Variants in HHAT observed in about 807,000 individuals in gnomAD.
HHAT encodes protein-cysteine N-palmitoyltransferase HHAT.
Under a neutral mutation model 70.8 loss-of-function variants are expected in HHAT, and 47 were observed. The observed-to-expected ratio is 0.66, with a 90% confidence interval of 0.53 to 0.85. The LOEUF is 0.85. HHAT is among the 40% of genes least tolerant of loss of function. HHAT has a pLI of 0.00. For synonymous variants in HHAT, 228 were observed against 247.6 expected (o/e 0.92, Z 0.74); for missense variants, 609 against 604.8 (o/e 1.01, Z -0.07).
At chr1:210,421,327 C>T (rs375433182) in intron 7 of HHAT, among the ~76,000 whole-genome samples, 28 of 152,096 alleles carry the variant, frequency 1.8e-4, no homozygotes, top group African/African-American at 5.6e-4. Flanking sequence ...CAGAAATTCA[C>T]GTATCTTTTA....
chr1:210,553,352 A>G (rs907794785), intron 9 of HHAT, among the ~76,000 whole-genome samples: 2 of 152,204 alleles, frequency 1.3e-5, no homozygotes, highest in Non-Finnish European at 2.9e-5. Context: ...GGTTGGGGTC[A>G]GAGAGGCTAC....
At chr1:210,372,178 A>G (rs1287081916) in intron 3 of HHAT, among the ~76,000 whole-genome samples, 2 of 152,204 alleles carry the variant, frequency 1.3e-5, no homozygotes, top group Non-Finnish European at 2.9e-5. Flanking sequence ...GTCCTGCCTG[A>G]AAGCTGGCCC....
At position 210,377,251 on chromosome 1, in the gene HHAT, T is replaced by C. The variant is rs139799577; in HGVS notation, c.160-10217T>C. Among the ~76,000 whole-genome samples, 15 of 152,350 alleles carry C rather than the reference T, an allele frequency of 9.8e-5. No individual in the cohort carries two copies. The East Asian group carries it at 1.9e-3, about 20-fold the overall frequency. On this transcript the variant is annotated intron_variant, in intron 3 of 11. Coordinates refer to ENST00000261458, the MANE Select transcript of HHAT (RefSeq NM_018194.6). ...TCATGATTCTGTGTAATTTGTTCTC[T>C]AGTCATCTCATTCTATTACATTTTT...
intron 9 of HHAT, among the ~76,000 whole-genome samples, chr1:210,519,069 C>T (rs1029712985): frequency 6.6e-6 from 1 of 152,134 alleles, no homozygotes; most frequent in Non-Finnish European, 1.5e-5. Context: ...AGGGTTACAG[C>T]AGTCTGTTTT....
intron 11 of HHAT, 97 bp downstream of exon 11, chr1:210,623,767 T>C (rs1294511368): frequency 6.3e-6 from 8 of 1,270,404 alleles, no homozygotes; most frequent in Admixed American, 2.0e-5. Context: ...GGGGAAGTCA[T>C]TCATTGTTAT....
At chr1:210,431,167 A>G (rs2093231168) in intron 7 of HHAT, among the ~76,000 whole-genome samples, 1 of 151,818 alleles carries the variant, frequency 6.6e-6, no homozygotes, top group Non-Finnish European at 1.5e-5. Flanking sequence ...GTTGTTACCA[A>G]CGTGGTGCTG....
chr1:210,636,395 G>A (rs1280665393), intron 11 of HHAT, among the ~76,000 whole-genome samples: 1 of 152,200 alleles, frequency 6.6e-6, no homozygotes, highest in African/African-American at 2.4e-5. Context: ...CCAGCTTAAT[G>A]TGTTTTTGAG....
chr1:210,450,296 G>GT (rs887302403), intron 7 of HHAT, among the ~76,000 whole-genome samples: 6 of 145,584 alleles, frequency 4.1e-5, no homozygotes, highest in South Asian at 2.1e-4. Flanking sequence ...GTCTCAGGTG[G>GT]GGGGGGTGGG....
rs556883689 is a variant in HHAT, at chr1:210,510,852, T to C, written c.1008-2301T>C. ...AGTGCCTTCCTCTGACCCCACTATA[T>C]ACTGCGGATCTCTGTGATTTCTTCC... On this transcript the variant is annotated intron_variant, in intron 8 of 11. Transcript: ENST00000261458. Among the ~76,000 whole-genome samples the C allele has an allele frequency of 4.6e-5, 7 of 152,360 alleles. No homozygotes were observed. In the South Asian group the frequency reaches 8.3e-4, roughly 18 times the overall value.
chr1:210,506,043 G>A (rs1024177063), intron 8 of HHAT, among the ~76,000 whole-genome samples: 5 of 152,182 alleles, frequency 3.3e-5, no homozygotes, highest in African/African-American at 1.2e-4. Flanking sequence ...GACACGGTGT[G>A]TGGGCCCCAC....
At chr1:210,448,253 T>C (rs2093675609) in intron 7 of HHAT, among the ~76,000 whole-genome samples, 4 of 152,066 alleles carry the variant, frequency 2.6e-5, no homozygotes, top group Admixed American at 2.6e-4. Context: ...GGCTAATTTT[T>C]GTATTTTTAG....
intron 8 of HHAT, among the ~76,000 whole-genome samples, chr1:210,498,334 A>G (rs2094690006): frequency 6.6e-6 from 1 of 152,230 alleles, no homozygotes; most frequent in South Asian, 2.1e-4. Context: ...TGTTGAGACA[A>G]CAGTATGATT....
At position 210,540,550 on chromosome 1, in the gene HHAT, C is replaced by T. The variant is rs73079522; in HGVS notation, c.1043+27362C>T. On this transcript the variant is annotated intron_variant, in intron 9 of 11. Coordinates refer to ENST00000261458, the MANE Select transcript of HHAT (RefSeq NM_018194.6). ...TCTCTCTCTCTCTCTAACTCACCCT[C>T]ATAGACATACACATAGTGTGTATAA... Among the ~76,000 whole-genome samples, 1,253 of 151,594 alleles carry T rather than the reference C, an allele frequency of 8.3e-3. 22 individuals are homozygous for T. The highest frequency in any genetic ancestry group is 0.029 in the African/African-American group (1,191 of 41,302).
chr1:210,360,511 T>C (rs573684356), intron 2 of HHAT, among the ~76,000 whole-genome samples: 2 of 152,228 alleles, frequency 1.3e-5, no homozygotes, highest in South Asian at 4.1e-4. Flanking sequence ...AGTTTTTCCA[T>C]GTTGGCCAGG....
At chr1:210,410,590 G>A (rs1053101133) in intron 6 of HHAT, among the ~76,000 whole-genome samples, 2 of 139,630 alleles carry the variant, frequency 1.4e-5, no homozygotes, top group Admixed American at 7.4e-5. Flanking sequence ...GCAGTGGCAC[G>A]ATCTTGGCTC....
intron 10 of HHAT, chr1:210,590,512 C>G (rs937863816): frequency 9.8e-5 from 11 of 112,070 alleles, no homozygotes; most frequent in African/African-American, 3.4e-4. Flanking sequence ...AAATTCAGAC[C>G]CAGGAGAGCT....
intron 10 of HHAT, chr1:210,589,252 A>G (rs561792848): frequency 6.6e-6 from 1 of 152,388 alleles, no homozygotes; most frequent in African/African-American, 2.4e-5. Context: ...TAGCCATAGT[A>G]CAAGTGGACA....
chr1:210,346,699 GCT>G (rs1250740090), intron 1 of HHAT, among the ~76,000 whole-genome samples: 1 of 152,214 alleles, frequency 6.6e-6, no homozygotes, highest in Non-Finnish European at 1.5e-5. Context: ...GTTTATCAAG[GCT>G]GAAGTTTATT....
chr1:210,673,762 ATTAT>A (rs58146322), intron 11 of HHAT, among the ~76,000 whole-genome samples: 13,126 of 91,444 alleles, frequency 0.14, 686 homozygotes, highest in South Asian at 0.22. Flanking sequence ...TGGCTTATTT[ATTAT>A]TTATTTATTT....
Sources: allele counts gnomAD v4.1 joint callset (sites outside exome capture counted in the v4.1 genomes callset), GRCh38; gene constraint gnomAD v4.1.1; transcripts MANE v1.5; gene names NCBI Gene and HGNC (gene_info 2026-07-23, HGNC 2026-07-21).